Variants in GALNTL6 observed in about 807,000 individuals in gnomAD.
GALNTL6 encodes the protein polypeptide N-acetylgalactosaminyltransferase like 6.
In GALNTL6, 46 loss-of-function variants were observed where a neutral mutation model predicts 73.7. The ratio of observed to expected loss-of-function variants is 0.62; its 90% confidence interval spans 0.49 to 0.80. GALNTL6 has a LOEUF of 0.80. Among genes scored for constraint, GALNTL6 ranks in the 30% least tolerant of loss-of-function variants. The pLI is 0.00. For synonymous variants in GALNTL6, 259 were observed against 263.7 expected, an observed-to-expected ratio of 0.98 and a Z score of 0.17; for missense variants, 604 against 755.0, an observed-to-expected ratio of 0.80 and a Z score of 2.34.
intron 5 of GALNTL6, among the ~76,000 whole-genome samples, chr4:172,597,998 C>T (rs1190321674): frequency 6.6e-6 from 1 of 151,268 alleles, no homozygotes; most frequent in Non-Finnish European, 1.5e-5. Context: ...TGCTTCAGAT[C>T]TTCTCTATCC....
intron 2 of GALNTL6, among the ~76,000 whole-genome samples, chr4:172,026,156 ATAT>A (rs1741567309): frequency 6.6e-6 from 1 of 152,054 alleles, no homozygotes; most frequent in South Asian, 2.1e-4. Context: ...CACTCATATA[ATAT>A]TATACCAAAA....
At position 172,803,471 on chromosome 4, in the gene GALNTL6, T is replaced by G. The variant is rs1740775422; in HGVS notation, c.554-5890T>G. Among the ~76,000 whole-genome samples, 2 of 152,212 alleles carry G rather than the reference T, an allele frequency of 1.3e-5. 1 individual carries two copies. The highest frequency in any genetic ancestry group is 4.8e-5 in the African/African-American group (2 of 41,454). ...CTCCCCAGCCCCCATGGAAAAATTG[T>G]CTTCCATGTAACTGGCCCCTGGTGC... On this transcript the variant is annotated intron_variant, in intron 5 of 12. Transcript: ENST00000506823.
At chr4:172,760,741 A>G (rs932535611) in intron 5 of GALNTL6, among the ~76,000 whole-genome samples, 2 of 152,118 alleles carry the variant, frequency 1.3e-5, no homozygotes, top group Non-Finnish European at 2.9e-5. Context: ...TCTGTCTTCT[A>G]GGAGGACCCT....
At chr4:172,470,726 A>G (rs180855500) in intron 5 of GALNTL6, among the ~76,000 whole-genome samples, 8 of 152,338 alleles carry the variant, frequency 5.3e-5, no homozygotes, top group Admixed American at 4.6e-4. Flanking sequence ...TAACCACCCT[A>G]AAGGACTTTT....
At chr4:172,323,186 G>A (rs1176760128) in intron 4 of GALNTL6, among the ~76,000 whole-genome samples, 2 of 152,070 alleles carry the variant, frequency 1.3e-5, no homozygotes, top group African/African-American at 4.8e-5. Context: ...GAATAAGTGA[G>A]CAAATAAAGG....
chr4:172,552,346 G>T (rs773190533), intron 5 of GALNTL6, among the ~76,000 whole-genome samples: 3 of 152,056 alleles, frequency 2.0e-5, no homozygotes, highest in Non-Finnish European at 4.4e-5. Flanking sequence ...AAATCGGAAA[G>T]TTCTATAGCC....
rs113558514 is a variant in GALNTL6 at position 172,487,215 on chromosome 4, C to T, written c.553+138526C>T. On this transcript the variant is annotated intron_variant, in intron 5 of 12. Transcript: ENST00000506823. The stretch of plus-strand genomic sequence containing the variant: ...CATTTTCTTTCTTTCTTTCTTTCTC[C>T]TTCCTTCCTTCCTTCCTTCCTGTCT... Among the ~76,000 whole-genome samples, 13 of 116,804 alleles carry T rather than the reference C, an allele frequency of 1.1e-4. No individual in the cohort carries two copies. The Admixed American group carries it at 1.2e-3, about 11-fold the overall frequency. The allele number at this position is 116,804 out of a possible 152,430, so 76.6% of individuals were successfully genotyped here.
intron 5 of GALNTL6, among the ~76,000 whole-genome samples, chr4:172,441,080 A>T (rs1731821140): frequency 6.6e-6 from 1 of 151,998 alleles, no homozygotes; most frequent in Non-Finnish European, 1.5e-5. Flanking sequence ...ATCTCTTCCA[A>T]CCTAATTTGT....
At chr4:171,876,881 T>C (rs1192221185) in intron 2 of GALNTL6, among the ~76,000 whole-genome samples, 1 of 152,194 alleles carries the variant, frequency 6.6e-6, no homozygotes, top group African/African-American at 2.4e-5. Context: ...ATTCAAAATT[T>C]CAACCACGTT....
At chr4:172,945,149 G>C (rs150331567) in intron 9 of GALNTL6, among the ~76,000 whole-genome samples, 1,598 of 151,590 alleles carry the variant, frequency 0.011, 20 homozygotes, top group Non-Finnish European at 0.016. Flanking sequence ...CTTATACTAA[G>C]TGAAAGAAGC....
intron 2 of GALNTL6, among the ~76,000 whole-genome samples, chr4:171,874,474 G>C (rs28476171): frequency 1.3e-5 from 2 of 151,998 alleles, no homozygotes; most frequent in Non-Finnish European, 2.9e-5. Context: ...ACAGGCATGA[G>C]GGACTGCATC....
chr4:172,849,156 T>C (rs1207424387), intron 7 of GALNTL6, among the ~76,000 whole-genome samples: 1 of 152,200 alleles, frequency 6.6e-6, no homozygotes, highest in Non-Finnish European at 1.5e-5. Context: ...ACTATTGACC[T>C]GTAGGACAAG....
chr4:172,021,230 G>C (rs1741390476), intron 2 of GALNTL6, among the ~76,000 whole-genome samples: 1 of 151,978 alleles, frequency 6.6e-6, no homozygotes, highest in Non-Finnish European at 1.5e-5. Context: ...AACATGACAA[G>C]GCTGCCCTCT....
chr4:172,512,516 G>A (rs975963246), intron 5 of GALNTL6, among the ~76,000 whole-genome samples: 1 of 151,258 alleles, frequency 6.6e-6, no homozygotes, highest in African/African-American at 2.4e-5. Flanking sequence ...TTTTTCCATT[G>A]TGTTATTATT....
At chr4:171,967,460 T>TGTTTTTTTTTG (rs1414283151) in intron 2 of GALNTL6, among the ~76,000 whole-genome samples, 1 of 150,260 alleles carries the variant, frequency 6.7e-6, no homozygotes, top group Non-Finnish European at 1.5e-5. Flanking sequence ...TTTTTTTTTT[T>TGTTTTTTTTTG]TTTTTGTAGA....
At chr4:172,873,753 T>A (rs1039402320) in intron 7 of GALNTL6, among the ~76,000 whole-genome samples, 1 of 152,232 alleles carries the variant, frequency 6.6e-6, no homozygotes, top group African/African-American at 2.4e-5. Flanking sequence ...AGGTCCTGTT[T>A]TTTTGTTGTT....
At chr4:172,468,325 T>G (rs2111457872) in intron 5 of GALNTL6, among the ~76,000 whole-genome samples, 1 of 152,318 alleles carries the variant, frequency 6.6e-6, no homozygotes, top group East Asian at 1.9e-4. Context: ...AATGCTAGGA[T>G]TTCTGAGTAA....
chr4:171,846,363 T>TACA (rs1735367778), intron 2 of GALNTL6, among the ~76,000 whole-genome samples: 1 of 152,184 alleles, frequency 6.6e-6, no homozygotes, highest in Non-Finnish European at 1.5e-5. Context: ...AACTATTTCT[T>TACA]ATCTTCTCCT....
intron 2 of GALNTL6, among the ~76,000 whole-genome samples, chr4:171,868,147 T>C (rs889490904): frequency 2.6e-5 from 4 of 151,810 alleles, no homozygotes; most frequent in African/African-American, 9.7e-5. Flanking sequence ...TCACCAAGCC[T>C]GGCTATTTTG....
Sources: gnomAD v4.1 joint callset for allele counts (sites outside exome capture counted in the v4.1 genomes callset) on GRCh38, gnomAD v4.1.1 for gene constraint, MANE v1.5 for transcripts, NCBI Gene and HGNC (gene_info 2026-07-23, HGNC 2026-07-21) for gene names.